CTSC: variants seen among roughly 807,000 people sequenced by gnomAD.
CTSC encodes dipeptidyl peptidase 1.
A neutral mutation model predicts 40.9 loss-of-function variants in CTSC; 37 were observed. The ratio of observed to expected loss-of-function variants is 0.91; its 90% CI spans 0.70 to 1.19. CTSC has a LOEUF of 1.19. Ranked by LOEUF, CTSC falls within the 50% of genes most tolerant of loss-of-function variation. The probability of loss-of-function intolerance (pLI) is 0.00; values close to 1 mark genes in which losing one functional copy is unlikely to be tolerated. For missense variants in CTSC, 594 were observed against 567.3 expected (o/e 1.05, Z -0.48); for synonymous variants, 232 against 207.4 (o/e 1.12, Z -1.02).
intron 4 of CTSC, among the ~76,000 whole-genome samples, chr11:88,308,046 G>A (rs531133734): frequency 1.3e-5 from 2 of 152,176 alleles, no homozygotes; most frequent in Non-Finnish European, 2.9e-5. Context: ...ATGGGAACTG[G>A]GAGAGGTAGC....
intron 2 of CTSC, among the ~76,000 whole-genome samples, chr11:88,319,756 A>C (rs1591234547): frequency 6.6e-6 from 1 of 152,178 alleles, no homozygotes; most frequent in African/African-American, 2.4e-5. Flanking sequence ...AAATGTACCT[A>C]TAGATAATTT....
chr11:88,313,858 G>A (rs927073363), intron 2 of CTSC, among the ~76,000 whole-genome samples: 4 of 152,150 alleles, frequency 2.6e-5, no homozygotes, highest in African/African-American at 7.2e-5. Flanking sequence ...TGCAGGGTTT[G>A]GTAAACACTT....
At chr11:88,318,287 G>C (rs2134794070) in intron 2 of CTSC, among the ~76,000 whole-genome samples, 1 of 152,286 alleles carries the variant, frequency 6.6e-6, no homozygotes, top group Non-Finnish European at 1.5e-5. Flanking sequence ...GTAACCTTGA[G>C]CAAGTCAAAA....
At chr11:88,312,326 C>T (rs1937780958) in intron 3 of CTSC, 62 bp downstream of exon 3, 1 of 1,518,068 alleles carries the variant, frequency 6.6e-7, no homozygotes, top group Admixed American at 1.7e-5. Flanking sequence ...CAAAAATGTA[C>T]ACACATATTC....
At chr11:88,297,521 A>G (rs217110) in intron 5 of CTSC, 36,063 of 152,120 alleles carry the variant, frequency 0.24, 6,240 homozygotes, top group African/African-American at 0.48. Flanking sequence ...AGTCTGGAAA[A>G]GGTCCCTTTC....
chr11:88,298,697 C>T lies in CTSC; in HGVS notation c.757+1833G>A, dbSNP rs527301473. 1.9e-3 allele frequency: 287 copies of T among 152,256 alleles called. 1 individual carries two copies. Among genetic ancestry groups the T allele is most frequent in the African/African-American group, 6.7e-3 (277 of 41,548 alleles). The allele number at this position is 152,256 out of a possible 1,614,324, so 9.4% of individuals were successfully genotyped here. A position where few individuals can be genotyped will look rare whatever the true frequency, so the allele number is the denominator to read the frequency against. ...TGACAAGATACTGTAGATGAGGGAT[C>T]AATTCAAAGCAATTAATCCATCAAA... On this transcript the variant is annotated intron_variant, in intron 5 of 6. Coordinates refer to ENST00000227266, the MANE Select transcript of CTSC (RefSeq NM_001814.6).
chr11:88,305,348 C>T (rs1937621701), intron 4 of CTSC, among the ~76,000 whole-genome samples: 1 of 152,154 alleles, frequency 6.6e-6, no homozygotes, highest in Admixed American at 6.5e-5. Context: ...ATCCAAGAGC[C>T]CTCTCTTGGG....
intron 2 of CTSC, chr11:88,321,801 A>G (rs907034893): frequency 6.6e-6 from 1 of 152,174 alleles, no homozygotes; most frequent in African/African-American, 2.4e-5. Flanking sequence ...TATATGCAGT[A>G]ATGATATTTC....
chr11:88,332,822 C>A (rs1445237482), intron 2 of CTSC, among the ~76,000 whole-genome samples: 1 of 152,082 alleles, frequency 6.6e-6, no homozygotes, highest in Admixed American at 6.5e-5. Context: ...TATTGTTATT[C>A]CTAATGAAAG....
At chr11:88,336,692 G>A (rs1035961639) in intron 1 of CTSC, among the ~76,000 whole-genome samples, 1 of 152,172 alleles carries the variant, frequency 6.6e-6, no homozygotes, top group African/African-American at 2.4e-5. Flanking sequence ...GAAGTCACAG[G>A]CTGTAAGAGG....
chr11:88,337,337 G>T (rs532739504), intron 1 of CTSC, among the ~76,000 whole-genome samples, 164 bp downstream of exon 1: 6 of 152,312 alleles, frequency 3.9e-5, no homozygotes, highest in African/African-American at 1.2e-4. Flanking sequence ...TTAACTTCGC[G>T]AGCCTGGCGG....
At chr11:88,304,874 G>A (rs932792956) in intron 4 of CTSC, among the ~76,000 whole-genome samples, 1 of 152,200 alleles carries the variant, frequency 6.6e-6, no homozygotes, top group Non-Finnish European at 1.5e-5. Flanking sequence ...AAGGTAGGCA[G>A]ATCACCTGAA....
At chr11:88,336,539 CA>C (rs35388709) in intron 1 of CTSC, among the ~76,000 whole-genome samples, 28,520 of 87,380 alleles carry the variant, frequency 0.33, 2,623 homozygotes, top group East Asian at 0.44. Flanking sequence ...ACTCCATTCT[CA>C]AAAAAAAAAA....
intron 1 of CTSC, among the ~76,000 whole-genome samples, chr11:88,336,126 T>C (rs919971888): frequency 6.6e-5 from 10 of 152,030 alleles, no homozygotes; most frequent in African/African-American, 2.4e-4. Context: ...TGGAGAGTTG[T>C]GTATTTTAAA....
At chr11:88,318,368 C>T (rs1937924397) in intron 2 of CTSC, among the ~76,000 whole-genome samples, 1 of 152,090 alleles carries the variant, frequency 6.6e-6, no homozygotes, top group Admixed American at 6.6e-5. Context: ...TACTGGACTG[C>T]TATGAAAGAT....
At position 88,306,936 on chromosome 11, in the gene CTSC, AC is replaced by A. The variant is rs201009502; in HGVS notation, c.641+2226del. 3.0e-3 allele frequency among the ~76,000 whole-genome samples: 456 copies of A among 151,806 alleles called. 28 individuals carry two copies. In the East Asian group the frequency reaches 0.066, roughly 22 times the overall value. On this transcript the variant is annotated intron_variant, in intron 4 of 6. Coordinates refer to ENST00000227266, the MANE Select transcript of CTSC (RefSeq NM_001814.6). The stretch of plus-strand genomic sequence containing the variant: ...TGCTGTGGGGCCAGAGCCCAAAAGC[AC>A]CCCCCATGGCCTCTGCACCTGCCCC...
chr11:88,305,537 A>G (rs927966685), intron 4 of CTSC, among the ~76,000 whole-genome samples: 1 of 152,236 alleles, frequency 6.6e-6, no homozygotes, highest in Non-Finnish European at 1.5e-5. Context: ...AGAAATGCTC[A>G]TAAACAATAA....
chr11:88,336,664 T>C (rs1938504603), intron 1 of CTSC, among the ~76,000 whole-genome samples: 3 of 152,198 alleles, frequency 2.0e-5, no homozygotes, highest in African/African-American at 4.8e-5. Flanking sequence ...TTATAGCTGA[T>C]TTTTTACTGA....
intron 5 of CTSC, chr11:88,296,718 A>C: frequency 4.1e-6 from 1 of 242,542 alleles, no homozygotes. Context: ...TCATGTTAAA[A>C]CCCCAATCCC....
Sources: gnomAD v4.1 joint callset for allele counts (sites outside exome capture counted in the v4.1 genomes callset) on GRCh38, gnomAD v4.1.1 for gene constraint, MANE v1.5 for transcripts, NCBI Gene and HGNC (gene_info 2026-07-23, HGNC 2026-07-21) for gene names.